The following ATP8B4 variants were observed in gnomAD, a reference collection of about 807,000 sequenced individuals.
ATP8B4 encodes the protein ATPase phospholipid transporting 8B4 (putative), also known as probable phospholipid-transporting ATPase IM.
A neutral mutation model predicts 145.6 loss-of-function variants in ATP8B4; 133 were observed. That is an observed-to-expected ratio of 0.91 (90% CI 0.79 to 1.05). The LOEUF is 1.05. Among genes scored for constraint, ATP8B4 ranks in the 50% least tolerant of loss-of-function variants. The probability of loss-of-function intolerance (pLI) is 0.00; values close to 1 mark genes in which losing one functional copy is unlikely to be tolerated. For synonymous variants in ATP8B4, 507 were observed against 492.9 expected (o/e 1.03, Z -0.38); for missense variants, 1,458 against 1,425.2 (o/e 1.02, Z -0.37).
At chr15:50,177,050 C>G (rs918934886) in intron 1 of ATP8B4, among the ~76,000 whole-genome samples, 1 of 152,140 alleles carries the variant, frequency 6.6e-6, no homozygotes, top group Non-Finnish European at 1.5e-5. Context: ...AATAGGATGA[C>G]AGGCACCCAC....
intron 2 of ATP8B4, among the ~76,000 whole-genome samples, chr15:50,079,142 C>G (rs141912413): frequency 6.6e-6 from 1 of 152,246 alleles, no homozygotes; most frequent in Non-Finnish European, 1.5e-5. Flanking sequence ...TTTTACATGA[C>G]ATGATTATTA....
intron 3 of ATP8B4, among the ~76,000 whole-genome samples, chr15:50,070,093 G>A (rs955723428): frequency 1.2e-4 from 19 of 152,190 alleles, no homozygotes. Flanking sequence ...ATAGTACAGT[G>A]CTTAGAACCA....
At chr15:49,947,878 G>A (rs538662218) in intron 14 of ATP8B4, among the ~76,000 whole-genome samples, 8 of 134,208 alleles carry the variant, frequency 6.0e-5, no homozygotes, top group Non-Finnish European at 1.3e-4. Flanking sequence ...GCAGGGAAAG[G>A]ATAGTCTTTT....
chr15:50,143,110 T>C (rs967162183), intron 1 of ATP8B4, among the ~76,000 whole-genome samples: 1 of 152,194 alleles, frequency 6.6e-6, no homozygotes, highest in Non-Finnish European at 1.5e-5. Flanking sequence ...AAAATAGAAA[T>C]TGAAGAGCAA....
At chr15:49,917,962 C>T (rs1169671753) in intron 19 of ATP8B4, among the ~76,000 whole-genome samples, 2 of 152,116 alleles carry the variant, frequency 1.3e-5, no homozygotes, top group African/African-American at 4.8e-5. Context: ...CAACTTTCTA[C>T]TGTTTATTTT....
Position 49,901,080 on chromosome 15 carries a change from A to G in ATP8B4, c.2289+12T>C, listed in dbSNP as rs1212009177. 2 of 1,610,142 alleles carry G rather than the reference A, an allele frequency of 1.2e-6. No individual in the cohort carries two copies. Among genetic ancestry groups the G allele is most frequent in the Non-Finnish European group, 1.7e-6 (2 of 1,177,756 alleles). On this transcript the variant is annotated intron_variant, in intron 21 of 27. Coordinates refer to ENST00000284509, the MANE Select transcript of ATP8B4 (RefSeq NM_024837.4). ...AAGAAAAAGAAAGGACAAAAACCTTAGGCAAACTCACCAAACTGTGGCCAT... is the reference window on the plus strand; with the variant it reads ...AAGAAAAAGAAAGGACAAAAACCTTGGGCAAACTCACCAAACTGTGGCCAT...
intron 1 of ATP8B4, among the ~76,000 whole-genome samples, chr15:50,129,010 G>C (rs1353719692): frequency 6.6e-6 from 1 of 152,196 alleles, no homozygotes; most frequent in East Asian, 1.9e-4. Flanking sequence ...GGAGGTTGCA[G>C]TGAGCTGAGA....
chr15:49,920,307 G>C lies in ATP8B4; in HGVS notation c.1862C>G (p.Ala621Gly), dbSNP rs762398163. 3 of 1,613,972 alleles carry C rather than the reference G, an allele frequency of 1.9e-6. No homozygotes were observed. The African/African-American group carries it at 4.0e-5, about 22-fold the overall frequency. Residue 621 changes from alanine to glycine, a missense_variant, in exon 18 of 28, where the codon GCC (alanine) becomes GGC (glycine). Physicochemically the swap from Ala to Gly is moderately conservative, Grantham distance 60 (BLOSUM62 0). Transcript: ENST00000284509. ...TATTCGTTCATCCCTCTCTTCTGTGGCAGCATTCGCATCTTCAAGCATCTT... is the reference window on the plus strand; with the variant it reads ...TATTCGTTCATCCCTCTCTTCTGTGCCAGCATTCGCATCTTCAAGCATCTT... ...WHKMLEDANA[A>G]TEERDERIAG...
At chr15:49,869,615 C>G (rs1056995820) in intron 25 of ATP8B4, among the ~76,000 whole-genome samples, 1 of 152,176 alleles carries the variant, frequency 6.6e-6, no homozygotes, top group Admixed American at 6.5e-5. Context: ...TTGAAACACA[C>G]GGAAAACTTA....
At chr15:50,045,128 G>T (rs568111380) in intron 4 of ATP8B4, among the ~76,000 whole-genome samples, 2 of 152,242 alleles carry the variant, frequency 1.3e-5, no homozygotes, top group East Asian at 3.9e-4. Flanking sequence ...TTAATCCTCG[G>T]AAAAGTTCAT....
At chr15:50,106,813 T>C (rs963115489) in intron 2 of ATP8B4, 126 bp downstream of exon 2, 1 of 860,310 alleles carries the variant, frequency 1.2e-6, no homozygotes. Flanking sequence ...TATATAATCG[T>C]CGAAGTTCAC....
chr15:49,861,505 A>ACCTACCTAC (rs2031808677), intron 27 of ATP8B4, among the ~76,000 whole-genome samples: 1 of 133,438 alleles, frequency 7.5e-6, no homozygotes, highest in Non-Finnish European at 1.6e-5. Flanking sequence ...TACCTACCTC[A>ACCTACCTAC]GTCTCTCTCA....
At chr15:50,067,522 C>T (rs2053464181) in intron 3 of ATP8B4, among the ~76,000 whole-genome samples, 2 of 152,170 alleles carry the variant, frequency 1.3e-5, no homozygotes, top group Non-Finnish European at 2.9e-5. Context: ...CAAACACTTT[C>T]GTGTACTTTG....
chr15:50,171,840 G>GA (rs751953358), intron 1 of ATP8B4, among the ~76,000 whole-genome samples: 10 of 150,786 alleles, frequency 6.6e-5, no homozygotes, highest in South Asian at 4.2e-4. Context: ...AAAAAGAAAA[G>GA]AAAAAAAAAT....
intron 7 of ATP8B4, among the ~76,000 whole-genome samples, chr15:50,007,403 A>C (rs2048387131): frequency 6.6e-6 from 1 of 152,206 alleles, no homozygotes; most frequent in African/African-American, 2.4e-5. Context: ...TTAGAAGTGG[A>C]GGCACTTGAG....
chr15:50,104,296 C>T (rs577226331), intron 2 of ATP8B4, among the ~76,000 whole-genome samples: 5 of 152,046 alleles, frequency 3.3e-5, no homozygotes, highest in African/African-American at 2.4e-5. Context: ...AGACAACCCA[C>T]AGTGTAGGAG....
chr15:50,123,040 C>T (rs944645590), upstream of ATP8B4, among the ~76,000 whole-genome samples: 2 of 152,056 alleles, frequency 1.3e-5, no homozygotes, highest in African/African-American at 2.4e-5. Context: ...AGCACACAAC[C>T]CAGCACCTGT....
intron 23 of ATP8B4, among the ~76,000 whole-genome samples, chr15:49,884,852 G>T (rs2153414231): frequency 6.6e-6 from 1 of 152,208 alleles, no homozygotes; most frequent in South Asian, 2.1e-4. Context: ...TATCATAGGA[G>T]CATGAACCCT....
intron 24 of ATP8B4, 176 bp from the exon 25 acceptor site, chr15:49,876,699 A>G (rs746910274): frequency 7.1e-5 from 66 of 924,616 alleles, no homozygotes; most frequent in South Asian, 5.2e-4. Flanking sequence ...AGAAGATAAT[A>G]AAATGATCTC....
Sources: gnomAD v4.1 joint callset for allele counts (sites outside exome capture counted in the v4.1 genomes callset) on GRCh38, gnomAD v4.1.1 for gene constraint, MANE v1.5 for transcripts, NCBI Gene and HGNC (gene_info 2026-07-23, HGNC 2026-07-21) for gene names.